The following RFX1 variants were observed in gnomAD, a reference collection of about 807,000 sequenced individuals.
The protein encoded by RFX1 is regulatory factor X1, also known as MHC class II regulatory factor RFX1.
A neutral mutation model predicts 119.6 loss-of-function variants in RFX1; 42 were observed. The observed-to-expected ratio is 0.35, with a 90% confidence interval of 0.27 to 0.45. The LOEUF (loss-of-function observed/expected upper bound fraction) is 0.45. Ranked by LOEUF, RFX1 falls within the 20% of genes least tolerant of loss-of-function variation. RFX1 has a pLI of 1.00. For synonymous variants in RFX1, 628 were observed against 618.5 expected (o/e 1.02, Z -0.23); for missense variants, 1,118 against 1,368.1 (o/e 0.82, Z 2.88).
In RFX1 at chr19:13,965,845, A is replaced by T; in HGVS notation, c.1962-68T>A. The T allele has an allele frequency of 6.4e-7, 1 of 1,557,366 alleles. No homozygotes were observed. The highest frequency in any genetic ancestry group is 8.7e-7 in the Non-Finnish European group (1 of 1,143,930). On this transcript the variant is annotated intron_variant, in intron 14 of 20. Transcript: ENST00000254325. The surrounding 1 kb of genome is among the most constrained non-coding windows in gnomAD (Gnocchi z 4.7). ...GGTCCTGCCCCCATCGTCAGAAGGG[A>T]ACAGGTAGCCCCTGTCCCTGACCCA...
At chr19:14,001,739 G>A (rs1327576299) in intron 1 of RFX1, among the ~76,000 whole-genome samples, 2 of 152,370 alleles carry the variant, frequency 1.3e-5, no homozygotes, top group South Asian at 2.1e-4. Context: ...AGTGGCTCAC[G>A]CCTGTAATCC....
chr19:13,964,497 T>C (rs2145531173), intron 16 of RFX1, among the ~76,000 whole-genome samples: 1 of 152,268 alleles, frequency 6.6e-6, no homozygotes, highest in East Asian at 1.9e-4. Flanking sequence ...TTTCTGTTTT[T>C]TGTTTGACAC....
Position 13,973,140 on chromosome 19 carries a change from C to G in RFX1, c.930-13G>C. The stretch of plus-strand genomic sequence containing the variant: ...GGTGCTGGAACGGCTGGGAAAGAGG[C>G]AAAGCCAAGGGAGAGTCAGGGGGAT... On this transcript the variant is annotated splice_polypyrimidine_tract_variant and intron_variant, in intron 8 of 20. Coordinates refer to ENST00000254325, the MANE Select transcript of RFX1 (RefSeq NM_002918.5). 1 of 1,590,144 alleles carries G rather than the reference C, an allele frequency of 6.3e-7. No individual in the cohort carries two copies. Among genetic ancestry groups the G allele is most frequent in the Non-Finnish European group, 8.5e-7 (1 of 1,177,150 alleles).
rs1974726006 is a variant in RFX1 at position 13,989,478 on chromosome 19, C to T, written c.319+4047G>A. Among the ~76,000 whole-genome samples the T allele has an allele frequency of 2.0e-5, 3 of 152,082 alleles. No homozygotes were observed. In the South Asian group the frequency reaches 6.2e-4, roughly 31 times the overall value. The stretch of plus-strand genomic sequence containing the variant: ...CTCCACCTCCTGGGTTCAAGCGATT[C>T]TCCTGCCTCAGCCTCCCAAGTAGCT... On this transcript the variant is annotated intron_variant, in intron 2 of 20. Coordinates refer to ENST00000254325, the MANE Select transcript of RFX1 (RefSeq NM_002918.5).
At chr19:13,964,823 CAG>C (rs1232382803) in intron 16 of RFX1, among the ~76,000 whole-genome samples, 1 of 152,168 alleles carries the variant, frequency 6.6e-6, no homozygotes, top group African/African-American at 2.4e-5. Context: ...TGGGAGAGGA[CAG>C]GGGTTTTGTC....
At chr19:14,002,009 G>A (rs1414578419) in intron 1 of RFX1, among the ~76,000 whole-genome samples, 3 of 152,108 alleles carry the variant, frequency 2.0e-5, no homozygotes, top group African/African-American at 7.2e-5. Flanking sequence ...GGTGGTGGGT[G>A]CCTGTAATCC....
Position 13,965,743 on chromosome 19 carries a change from T to C in RFX1, c.1996A>G (p.Ile666Val). ...TCGAACTTGGAGAGGAGCACCAGGATGGCTTTGGGCAGTCGCTTCTCGGCC... is the reference window on the plus strand; with the variant it reads ...TCGAACTTGGAGAGGAGCACCAGGACGGCTTTGGGCAGTCGCTTCTCGGCC... ...DEAEKRLPKA[I>V]LVLLSKFEPV... Residue 666 changes from isoleucine to valine, a missense_variant, in exon 15 of 21, where the codon ATC becomes GTC. Transcript: ENST00000254325. The surrounding 1 kb of genome is among the most constrained non-coding windows in gnomAD (Gnocchi z 4.7). 6.2e-7 allele frequency: 1 copy of C among 1,613,832 alleles called. No homozygotes were observed. The highest frequency in any genetic ancestry group is 1.3e-5 in the African/African-American group (1 of 75,002).
rs1395953234 is a variant in RFX1, at chr19:13,968,787, G to A, written c.1604C>T (p.Ser535Leu). 4 of 1,588,718 alleles carry A rather than the reference G, an allele frequency of 2.5e-6. No homozygotes were observed. Among genetic ancestry groups the A allele is most frequent in the African/African-American group, 1.3e-5 (1 of 74,598 alleles). The change falls in exon 11 of 21, where the codon TCG (serine) becomes TTG (leucine). Residue 535 changes from serine to leucine, a missense_variant. This residue lies in a region of RFX1 where 338 missense variants were observed against 508.9 expected (regional missense o/e 0.66). Coordinates refer to ENST00000254325, the MANE Select transcript of RFX1 (RefSeq NM_002918.5). The surrounding 1 kb of genome is among the most constrained non-coding windows in gnomAD (Gnocchi z 5.5). ...CCTGCCTTCCTACCTCTGCTTCTGC[G>A]AGAAGGGCTGGCCCCGCATGGCCAT... Reference protein sequence around the residue: ...QHMAMRGQPFSQKQRLKPIQK... With the variant: ...QHMAMRGQPFLQKQRLKPIQK...
At chr19:13,976,688 C>T (rs563470111) in intron 8 of RFX1, among the ~76,000 whole-genome samples, 4 of 152,332 alleles carry the variant, frequency 2.6e-5, no homozygotes, top group East Asian at 1.9e-4. Flanking sequence ...GAATGTCCTG[C>T]GTCTATTTCT....
intron 1 of RFX1, among the ~76,000 whole-genome samples, chr19:13,996,242 G>T (rs10419138): frequency 0.013 from 1,985 of 152,270 alleles, 46 homozygotes; most frequent in African/African-American, 0.045. Flanking sequence ...AGGCACGAGT[G>T]GTTAAGAGGA....
rs1974593275 is a variant in RFX1 at position 13,986,339 on chromosome 19, G to A, written c.320-2744C>T. 6.6e-6 allele frequency among the ~76,000 whole-genome samples: 1 copy of A among 152,206 alleles called. No homozygotes were observed. The highest frequency in any genetic ancestry group is 1.5e-5 in the Non-Finnish European group (1 of 68,010). ...ACCAGGTGGCTGTCTCCAGGAAGCA[G>A]CCTTGCCCGTCTCCTGCCTCTGGGG... On this transcript the variant is annotated intron_variant, in intron 2 of 20. Transcript: ENST00000254325. The surrounding 1 kb of genome is among the most constrained non-coding windows in gnomAD (Gnocchi z 4.2).
rs756057089 is a variant in RFX1 at position 13,962,731 on chromosome 19, C to T, written c.2904G>A (p.Ala968=). 10 of 1,530,210 alleles carry T rather than the reference C, an allele frequency of 6.5e-6. No homozygotes were observed. The highest frequency in any genetic ancestry group is 4.9e-5 in the East Asian group (2 of 40,686). The allele number at this position is 1,530,210 out of a possible 1,614,324, so 94.8% of individuals were successfully genotyped here. A position where few individuals can be genotyped will look rare whatever the true frequency, so the allele number is the denominator to read the frequency against. Residue 968 remains alanine (A), a synonymous_variant, in exon 21 of 21, where the codon GCG becomes GCA. Coordinates refer to ENST00000254325, the MANE Select transcript of RFX1 (RefSeq NM_002918.5). The part of the protein sequence containing the change: ...EPPAKLARTD[A]RGLFVQALPS... Reference sequence around the variant, plus strand: ...GCAGCGCCTGCACGAAGAGGCCGCGCGCGTCAGTCCGCGCCAGCTTGGCCG... The same window carrying T: ...GCAGCGCCTGCACGAAGAGGCCGCGTGCGTCAGTCCGCGCCAGCTTGGCCG...
chr19:13,989,322 C>T (rs1814624644), intron 2 of RFX1, among the ~76,000 whole-genome samples: 1 of 151,918 alleles, frequency 6.6e-6, no homozygotes, highest in African/African-American at 2.4e-5. Flanking sequence ...AGGGGCTTGA[C>T]ATTTGCTAGT....
Position 13,964,020 on chromosome 19 carries a change from A to G in RFX1, c.2212-13T>C, listed in dbSNP as rs1455481783. On this transcript the variant is annotated splice_polypyrimidine_tract_variant and intron_variant, in intron 16 of 20. Transcript: ENST00000254325. ...CAGCCGCGGCCACCTGCGTGCAGGG[A>G]TTGAGGGGCTTGCTGCTTCCAAGGA... 3.3e-6 allele frequency: 5 copies of G among 1,530,376 alleles called. No homozygotes were observed. In the East Asian group the frequency reaches 9.8e-5, roughly 30 times the overall value. The allele number at this position is 1,530,376 out of a possible 1,614,324, so 94.8% of individuals were successfully genotyped here.
chr19:13,993,462 A>C, intron 2 of RFX1, 63 bp downstream of exon 2: 1 of 1,496,478 alleles, frequency 6.7e-7, no homozygotes, highest in Non-Finnish European at 9.1e-7. Flanking sequence ...CTTCACACCC[A>C]GGGTCTAGGC....
intron 9 of RFX1, among the ~76,000 whole-genome samples, chr19:13,972,314 C>T (rs1484527800): frequency 7.2e-5 from 11 of 151,944 alleles, no homozygotes; most frequent in Admixed American, 7.2e-4. Flanking sequence ...ATGCCTCACC[C>T]TCCTGAGTAG....
chr19:13,983,610 C>T lies in RFX1; in HGVS notation c.320-15G>A. ...CATGGCACCTTCTGTGGGGAGGGGC[C>T]ACCAGGTCAGTTCTTCCTGCTTTCC... On this transcript the variant is annotated splice_polypyrimidine_tract_variant and intron_variant, in intron 2 of 20. Transcript: ENST00000254325. The T allele has an allele frequency of 2.5e-6, 4 of 1,578,326 alleles. No individual in the cohort carries two copies. The highest frequency in any genetic ancestry group is 3.4e-6 in the Non-Finnish European group (4 of 1,163,500).
rs764655187 is a variant in RFX1, at chr19:13,968,636, G to A, written c.1661C>T (p.Ala554Val). 16 of 1,613,304 alleles carry A rather than the reference G, an allele frequency of 9.9e-6. No homozygotes were observed. The highest frequency in any genetic ancestry group is 3.3e-5 in the South Asian group (3 of 91,084). The stretch of plus-strand genomic sequence containing the variant: ...CCCCGTGCTCGGCTGCTGCCCCACC[G>A]CCACGCCGTTGGTCATGCCTTCCAT... ...QKMEGMTNGV[A>V]VGQQPSTGLS... Residue 554 changes from alanine (A) to valine (V), a missense_variant, in exon 12 of 21, where the codon GCG becomes GTG. Coordinates refer to ENST00000254325, the MANE Select transcript of RFX1 (RefSeq NM_002918.5). The surrounding 1 kb of genome is among the most constrained non-coding windows in gnomAD (Gnocchi z 5.5).
chr19:13,981,129 C>A (rs906233955), intron 5 of RFX1, among the ~76,000 whole-genome samples: 3 of 152,246 alleles, frequency 2.0e-5, no homozygotes, highest in African/African-American at 4.8e-5. Context: ...AAGGGACAAG[C>A]CCTGGGTCAC....
Sources: allele counts gnomAD v4.1 joint callset (sites outside exome capture counted in the v4.1 genomes callset), GRCh38; gene constraint gnomAD v4.1.1; regional missense constraint gnomAD v4.1.1; non-coding constraint Gnocchi (gnomAD v3.1); transcripts MANE v1.5; gene names NCBI Gene and HGNC (gene_info 2026-07-23, HGNC 2026-07-21).